The following LRRC7 variants were observed in gnomAD, a reference collection of about 807,000 sequenced individuals.
The protein encoded by LRRC7 is leucine-rich repeat-containing protein 7.
In LRRC7, 23 loss-of-function variants were observed where a neutral mutation model predicts 175.7. The ratio of observed to expected loss-of-function variants is 0.13; its 90% CI spans 0.09 to 0.19. The LOEUF (loss-of-function observed/expected upper bound fraction) is 0.19. Ranked by LOEUF, LRRC7 falls within the 10% of genes least tolerant of loss-of-function variation. The pLI is 1.00. For missense variants in LRRC7, 1,354 were observed against 1,904.7 expected, an observed-to-expected ratio of 0.71 and a Z score of 5.38; for synonymous variants, 685 against 680.9, an observed-to-expected ratio of 1.01 and a Z score of -0.09.
At chr1:70,118,665 T>G (rs1247387325) in intron 26 of LRRC7, among the ~76,000 whole-genome samples, 1 of 152,168 alleles carries the variant, frequency 6.6e-6, no homozygotes, top group Non-Finnish European at 1.5e-5. Flanking sequence ...GATTCAGCCT[T>G]AGCCCTTTCC....
At chr1:69,864,824 G>A (rs975541839) in intron 7 of LRRC7, among the ~76,000 whole-genome samples, 3 of 152,076 alleles carry the variant, frequency 2.0e-5, no homozygotes, top group Admixed American at 6.6e-5. Context: ...ATTAAGGAAC[G>A]CTGAATATTT....
chr1:69,764,730 C>CAGACAGACAGATAGATAGATAGATAGAT (rs1377304958), intron 3 of LRRC7, among the ~76,000 whole-genome samples: 2 of 140,414 alleles, frequency 1.4e-5, no homozygotes, highest in African/African-American at 5.3e-5. Flanking sequence ...GATAGATAGA[C>CAGACAGACAGATAGATAGATAGATAGAT]AGATAGATAG....
intron 23 of LRRC7, among the ~76,000 whole-genome samples, chr1:70,063,109 G>T (rs1426330766): frequency 6.6e-6 from 1 of 152,046 alleles, no homozygotes; most frequent in Non-Finnish European, 1.5e-5. Flanking sequence ...ATCGGGGATT[G>T]TCCTCATCCA....
intron 4 of LRRC7, among the ~76,000 whole-genome samples, chr1:69,821,051 A>T (rs976504220): frequency 6.6e-5 from 10 of 152,176 alleles, no homozygotes; most frequent in Non-Finnish European, 1.5e-4. Context: ...AGTGATCACC[A>T]TTCTAACTGG....
At chr1:69,711,056 G>A (rs1664694960) in intron 2 of LRRC7, among the ~76,000 whole-genome samples, 1 of 152,154 alleles carries the variant, frequency 6.6e-6, no homozygotes, top group Non-Finnish European at 1.5e-5. Context: ...TTTCTGGAAA[G>A]CCCTCCAACT....
chr1:70,128,364 AT>A lies in LRRC7; in HGVS notation c.*6484del, dbSNP rs898120247. Among the ~76,000 whole-genome samples the A allele has an allele frequency of 1.3e-4, 19 of 151,988 alleles. No homozygotes were observed. Among genetic ancestry groups the A allele is most frequent in the African/African-American group, 1.9e-4 (8 of 41,444 alleles). ...AATCTTTCTCTAGTTTTGAAAGTGT[AT>A]TTTTTTATCACTGTTGCACAAGTGT... is the stretch of plus-strand genomic sequence containing the variant. On this transcript the variant is annotated 3_prime_UTR_variant, in exon 27 of 27. Transcript: ENST00000651989.
rs967453079 is a variant in LRRC7, at chr1:70,131,747, T to C, written c.*9860T>C. On this transcript the variant is annotated 3_prime_UTR_variant, in exon 27 of 27. Transcript: ENST00000651989. ...TGCCTCAAACTCTCCAGGGGCCTAC[T>C]CTTTGGTATCTTATAGCCCAGTGTC... Among the ~76,000 whole-genome samples, 10 of 152,190 alleles carry C rather than the reference T, an allele frequency of 6.6e-5. No homozygotes were observed. The highest frequency in any genetic ancestry group is 2.4e-4 in the African/African-American group (10 of 41,438).
chr1:69,888,292 G>A (rs975029334), intron 7 of LRRC7, among the ~76,000 whole-genome samples: 23 of 152,224 alleles, frequency 1.5e-4, no homozygotes, highest in Admixed American at 5.9e-4. Context: ...TAGGACCCTC[G>A]GATCCAGGTG....
chr1:69,613,304 CTCT>C (rs774097226), intron 1 of LRRC7, among the ~76,000 whole-genome samples: 2 of 152,084 alleles, frequency 1.3e-5, no homozygotes, highest in East Asian at 1.9e-4. Context: ...TCTCTCAGGT[CTCT>C]TCTTATAAGG....
intron 15 of LRRC7, 57 bp downstream of exon 15, chr1:70,018,875 T>G: frequency 7.5e-7 from 1 of 1,336,538 alleles, no homozygotes; most frequent in South Asian, 1.2e-5. Context: ...TAGAAATAAC[T>G]AATTTTATTC....
At chr1:69,796,840 A>G (rs1278786067) in intron 4 of LRRC7, among the ~76,000 whole-genome samples, 1 of 151,952 alleles carries the variant, frequency 6.6e-6, no homozygotes, top group Non-Finnish European at 1.5e-5. Context: ...GACATTTCAG[A>G]TGTCATTTAC....
At chr1:69,599,863 T>G (rs2100988967) in intron 1 of LRRC7, among the ~76,000 whole-genome samples, 1 of 152,274 alleles carries the variant, frequency 6.6e-6, no homozygotes, top group Non-Finnish European at 1.5e-5. Context: ...CAAAGATTGG[T>G]TTAAACCCAG....
intron 1 of LRRC7, among the ~76,000 whole-genome samples, chr1:69,609,358 G>T (rs768012648): frequency 2.0e-5 from 3 of 151,966 alleles, no homozygotes; most frequent in Non-Finnish European, 4.4e-5. Flanking sequence ...AATCTCAGCT[G>T]ATGACAAGTT....
At chr1:69,587,619 A>G (rs1646452315) in intron 1 of LRRC7, among the ~76,000 whole-genome samples, 2 of 151,928 alleles carry the variant, frequency 1.3e-5, no homozygotes, top group Admixed American at 1.3e-4. Flanking sequence ...TGTAATCTCC[A>G]CGTGTTGAGG....
Position 69,713,925 on chromosome 1 carries a change from T to C in LRRC7, c.100+35447T>C, listed in dbSNP as rs548343115. Among the ~76,000 whole-genome samples, 8 of 152,240 alleles carry C rather than the reference T, an allele frequency of 5.3e-5. No homozygotes were observed. The South Asian group carries it at 1.7e-3, about 32-fold the overall frequency. ...TGCTTAGAAAATTTACCCAGTAATC[T>C]TGCTAATTCCTGGGACTCTCTTCTT... On this transcript the variant is annotated intron_variant, in intron 2 of 26. Transcript: ENST00000651989.
intron 1 of LRRC7, among the ~76,000 whole-genome samples, chr1:69,633,643 G>A (rs1005349313): frequency 2.6e-5 from 4 of 151,974 alleles, no homozygotes; most frequent in Non-Finnish European, 4.4e-5. Context: ...TGGCCAGGCC[G>A]ATTATGAATT....
In LRRC7 at chr1:69,844,364, C is replaced by T. The variant is rs560400796; in HGVS notation, c.647+6081C>T. On this transcript the variant is annotated intron_variant, in intron 7 of 26. Transcript: ENST00000651989. ...GAACAACTCCCCATTCCCTCCTCCC[C>T]TCAGCCCCTGGCAGCCATCATTTGA... Among the ~76,000 whole-genome samples the T allele has an allele frequency of 5.3e-5, 8 of 152,214 alleles. No homozygotes were observed. The East Asian group carries it at 1.5e-3, about 29-fold the overall frequency.
At chr1:69,778,307 C>T (rs1673047098) in intron 3 of LRRC7, among the ~76,000 whole-genome samples, 1 of 152,164 alleles carries the variant, frequency 6.6e-6, no homozygotes, top group African/African-American at 2.4e-5. Flanking sequence ...TCCAGGGAAA[C>T]AAAGGTGGAG....
chr1:69,581,299 A>C (rs985695354), intron 1 of LRRC7, among the ~76,000 whole-genome samples: 3 of 152,148 alleles, frequency 2.0e-5, no homozygotes, highest in African/African-American at 7.2e-5. Context: ...ATGAATTAGG[A>C]GATGTTTACA....
Sources: allele counts gnomAD v4.1 joint callset (sites outside exome capture counted in the v4.1 genomes callset), GRCh38; gene constraint gnomAD v4.1.1; transcripts MANE v1.5; gene names NCBI Gene and HGNC (gene_info 2026-07-23, HGNC 2026-07-21).